PTPRD: variants seen among roughly 807,000 people sequenced by gnomAD.
The protein encoded by PTPRD is protein tyrosine phosphatase receptor type D.
In PTPRD, 34 loss-of-function variants were observed where a neutral mutation model predicts 214.5. That is an observed-to-expected ratio of 0.16 (90% confidence interval 0.12 to 0.21). The LOEUF is 0.21. Ranked by LOEUF, PTPRD falls within the 10% of genes least tolerant of loss-of-function variation. The probability of loss-of-function intolerance (pLI) is 1.00; values close to 1 mark genes in which losing one functional copy is unlikely to be tolerated. For missense variants in PTPRD, 2,545 were observed against 2,398.7 expected (o/e 1.06, Z -1.27); for synonymous variants, 1,128 against 845.7 (o/e 1.33, Z -5.79).
chr9:9,831,505 C>T (rs1415127059), intron 5 of PTPRD, among the ~76,000 whole-genome samples: 1 of 151,876 alleles, frequency 6.6e-6, no homozygotes, highest in Non-Finnish European at 1.5e-5. Flanking sequence ...CTGACAAGTA[C>T]CCTTTTATAA....
chr9:8,776,933 G>T (rs10815935), intron 11 of PTPRD, among the ~76,000 whole-genome samples: 109,735 of 146,922 alleles, frequency 0.75, 41,142 homozygotes, highest in Middle Eastern at 0.84. Context: ...ATATAAATAT[G>T]ATGTAATACA....
intron 31 of PTPRD, 147 bp downstream of exon 31, chr9:8,470,848 C>G (rs1184936014): frequency 1.7e-5 from 11 of 655,892 alleles, no homozygotes; most frequent in Non-Finnish European, 3.0e-5. Context: ...CAGGGGTTAG[C>G]ATGCCCATAG....
chr9:9,857,708 C>T (rs2061824439), intron 5 of PTPRD, among the ~76,000 whole-genome samples: 5 of 152,168 alleles, frequency 3.3e-5, no homozygotes, highest in Admixed American at 3.3e-4. Context: ...CAGAAGTTGG[C>T]TACTTTTTGA....
chr9:8,603,668 T>C (rs190492274), intron 14 of PTPRD, among the ~76,000 whole-genome samples: 2 of 152,316 alleles, frequency 1.3e-5, no homozygotes, highest in African/African-American at 4.8e-5. Flanking sequence ...AATCCAACTA[T>C]AGTTGTTACT....
chr9:10,456,648 C>T (rs980289023), intron 2 of PTPRD, among the ~76,000 whole-genome samples: 1 of 151,884 alleles, frequency 6.6e-6, no homozygotes, highest in African/African-American at 2.4e-5. Context: ...CAGACTCAGA[C>T]ACAGCAGATT....
Position 9,578,982 on chromosome 9 carries a change from A to G in PTPRD, c.-286-4201T>C, listed in dbSNP as rs560728296. On this transcript the variant is annotated intron_variant, in intron 7 of 45. Coordinates refer to ENST00000381196, the MANE Select transcript of PTPRD (RefSeq NM_002839.4). Reference sequence around the variant, plus strand: ...TCTGATAATTATATTTTTACTTTATAGATAAAACTGAGCTATAAGTATATT... The same window carrying G: ...TCTGATAATTATATTTTTACTTTATGGATAAAACTGAGCTATAAGTATATT... Among the ~76,000 whole-genome samples, 42 of 152,250 alleles carry G rather than the reference A, an allele frequency of 2.8e-4. 1 individual carries two copies. The South Asian group carries it at 8.5e-3, about 31-fold the overall frequency.
intron 5 of PTPRD, among the ~76,000 whole-genome samples, chr9:9,896,665 G>C (rs111317582): frequency 6.6e-6 from 1 of 151,950 alleles, no homozygotes; most frequent in Non-Finnish European, 1.5e-5. Flanking sequence ...ATCAGTCTAA[G>C]AAGCTAACTG....
At chr9:8,790,535 A>T (rs1395705092) in intron 11 of PTPRD, among the ~76,000 whole-genome samples, 1 of 151,830 alleles carries the variant, frequency 6.6e-6, no homozygotes, top group African/African-American at 2.4e-5. Flanking sequence ...CTCCTGCCTC[A>T]GCCTCCCGAG....
At chr9:9,595,471 C>CATGTGTACAT (rs2093250981) in intron 7 of PTPRD, among the ~76,000 whole-genome samples, 1 of 150,356 alleles carries the variant, frequency 6.7e-6, no homozygotes, top group African/African-American at 2.4e-5. Context: ...CATATGTACA[C>CATGTGTACAT]ATGCATACAC....
chr9:8,353,890 ATGTATATATGTATATATG>A (rs1564201229), intron 39 of PTPRD, among the ~76,000 whole-genome samples: 2 of 108,140 alleles, frequency 1.8e-5, no homozygotes, highest in African/African-American at 9.7e-5. Flanking sequence ...ATGTGTATAT[ATGTATATATGTATATATG>A]TGTATATATG....
At chr9:8,657,532 G>A (rs1269054555) in intron 12 of PTPRD, among the ~76,000 whole-genome samples, 2 of 152,082 alleles carry the variant, frequency 1.3e-5, no homozygotes, top group African/African-American at 2.4e-5. Context: ...GTAGAGTCTG[G>A]ATATTAGATA....
rs139230229 is a variant in PTPRD at position 9,086,099 on chromosome 9, C to A, written c.-142-67364G>T. Among the ~76,000 whole-genome samples, 243 of 152,260 alleles carry A rather than the reference C, an allele frequency of 1.6e-3. 3 individuals are homozygous for A. The highest frequency in any genetic ancestry group is 5.6e-3 in the African/African-American group (234 of 41,552). On this transcript the variant is annotated intron_variant, in intron 10 of 45. Transcript: ENST00000381196. ...GATTAACTAACTCACATAACTTGGA[C>A]TTCAATTTTCTTTTTAAGTAAGGAT...
intron 36 of PTPRD, among the ~76,000 whole-genome samples, chr9:8,399,810 T>A (rs778231416): frequency 1.3e-5 from 2 of 152,196 alleles, no homozygotes; most frequent in African/African-American, 2.4e-5. Flanking sequence ...CTGCGTAGAC[T>A]AATGGGAAGA....
intron 11 of PTPRD, among the ~76,000 whole-genome samples, chr9:8,930,208 G>C (rs1350671262): frequency 1.3e-5 from 2 of 151,646 alleles, no homozygotes; most frequent in East Asian, 1.9e-4. Flanking sequence ...AGAACATGTG[G>C]TGTTTGGTTT....
At chr9:8,998,402 T>C (rs914355224) in intron 11 of PTPRD, among the ~76,000 whole-genome samples, 1 of 152,012 alleles carries the variant, frequency 6.6e-6, no homozygotes, top group Middle Eastern at 3.2e-3. Flanking sequence ...GTTCTATGAA[T>C]AGAACAACAA....
rs773178175 is a variant in PTPRD, at chr9:8,858,093, CCCTCCT to C, written c.-103-124153_-103-124148del. 190 of 162,852 alleles carry C rather than the reference CCCTCCT, an allele frequency of 1.2e-3. 1 individual carries two copies. The highest frequency in any genetic ancestry group is 1.9e-3 in the Non-Finnish European group (147 of 75,550). The allele number at this position is 162,852 out of a possible 1,614,324, so 10.1% of individuals were successfully genotyped here. A position where few individuals can be genotyped will look rare whatever the true frequency, so the allele number is the denominator to read the frequency against. On this transcript the variant is annotated intron_variant, in intron 11 of 45. Coordinates refer to ENST00000381196, the MANE Select transcript of PTPRD (RefSeq NM_002839.4). ...GCCGCCGCCGCTGTTTGTCTCCTCC[CCCTCCT>C]CCTCCTCCTCCTCTTCCTCCTCCTC...
intron 2 of PTPRD, among the ~76,000 whole-genome samples, chr9:10,490,502 C>T (rs1440736778): frequency 1.3e-5 from 2 of 152,098 alleles, no homozygotes; most frequent in African/African-American, 4.8e-5. Flanking sequence ...CTCTTCTTTC[C>T]TTCTCAAATC....
At chr9:8,917,371 C>T (rs1192202259) in intron 11 of PTPRD, among the ~76,000 whole-genome samples, 1 of 151,274 alleles carries the variant, frequency 6.6e-6, no homozygotes, top group Admixed American at 6.6e-5. Context: ...CTCCTGACCT[C>T]TGGTGATCCA....
chr9:9,383,100 TA>T (rs1316143544), intron 9 of PTPRD, among the ~76,000 whole-genome samples: 2 of 152,072 alleles, frequency 1.3e-5, no homozygotes, highest in Non-Finnish European at 2.9e-5. Context: ...TTGGGAATTA[TA>T]TTTTTAGATC....
Sources: gnomAD v4.1 joint callset for allele counts (sites outside exome capture counted in the v4.1 genomes callset) on GRCh38, gnomAD v4.1.1 for gene constraint, MANE v1.5 for transcripts, NCBI Gene and HGNC (gene_info 2026-07-23, HGNC 2026-07-21) for gene names.